Variants in CFAP54 observed in about 807,000 individuals in gnomAD.
The protein encoded by CFAP54 is cilia and flagella associated protein 54.
A neutral mutation model predicts 370.4 loss-of-function variants in CFAP54; 290 were observed. That is an observed-to-expected ratio of 0.78 (90% CI 0.71 to 0.86). The LOEUF is 0.86. Ranked by LOEUF, CFAP54 falls within the 40% of genes least tolerant of loss-of-function variation. The pLI is 0.00. For synonymous variants in CFAP54, 1,206 were observed against 1,236.5 expected (o/e 0.98, Z 0.52); for missense variants, 3,399 against 3,528.7 (o/e 0.96, Z 0.93).
Position 96,554,321 on chromosome 12 carries a change from AAG to A in CFAP54, c.2283+14_2283+15del. On this transcript the variant is annotated intron_variant, in intron 16 of 67. Coordinates refer to ENST00000524981, the MANE Select transcript of CFAP54 (RefSeq NM_001306084.2). ...CACTGCTATGCCAAGGTAAGAATGGAAGAGTCTTAAATTAGATTGAAGTTTTA... is the reference window on the plus strand; with the variant it reads ...CACTGCTATGCCAAGGTAAGAATGGAAGTCTTAAATTAGATTGAAGTTTTA... The A allele has an allele frequency of 1.3e-6, 2 of 1,503,150 alleles. No individual in the cohort carries two copies. The highest frequency in any genetic ancestry group is 1.8e-6 in the Non-Finnish European group (2 of 1,135,328). The allele number at this position is 1,503,150 out of a possible 1,614,324, so 93.1% of individuals were successfully genotyped here.
intron 14 of CFAP54, among the ~76,000 whole-genome samples, chr12:96,541,687 T>C (rs1013807127): frequency 1.3e-5 from 2 of 152,186 alleles, no homozygotes; most frequent in African/African-American, 4.8e-5. Flanking sequence ...GACATATTCT[T>C]GGCACCCACC....
chr12:96,573,076 A>AGGGACAGT, intron 19 of CFAP54: 1 of 975,794 alleles, frequency 1.0e-6, no homozygotes, highest in Non-Finnish European at 1.2e-6. Context: ...CTTGACTATA[A>AGGGACAGT]GGGCCAGTGG....
chr12:96,847,263 C>T (rs988965724), intron 66 of CFAP54, among the ~76,000 whole-genome samples: 2 of 152,006 alleles, frequency 1.3e-5, no homozygotes, highest in Non-Finnish European at 2.9e-5. Context: ...CCAGCACTCT[C>T]CTGGTGAGCT....
intron 51 of CFAP54, among the ~76,000 whole-genome samples, chr12:96,741,781 G>A (rs971821020): frequency 6.6e-6 from 1 of 152,122 alleles, no homozygotes; most frequent in Non-Finnish European, 1.5e-5. Flanking sequence ...ATTGAGGGTG[G>A]CAAATTAATT....
At chr12:96,832,250 G>T in intron 66 of CFAP54, among the ~76,000 whole-genome samples, 1 of 134,128 alleles carries the variant, frequency 7.5e-6, no homozygotes. Context: ...AACTATAAGT[G>T]CTTTAAAGCT....
intron 24 of CFAP54, among the ~76,000 whole-genome samples, chr12:96,593,146 A>G (rs1013284973): frequency 6.6e-6 from 1 of 152,156 alleles, no homozygotes; most frequent in Admixed American, 6.5e-5. Context: ...TATTGTCTTC[A>G]TGGAGGCAGG....
At chr12:96,813,141 A>G (rs983950304) in intron 64 of CFAP54, among the ~76,000 whole-genome samples, 1 of 152,200 alleles carries the variant, frequency 6.6e-6, no homozygotes, top group African/African-American at 2.4e-5. Flanking sequence ...TATAAAGTAG[A>G]AAGTCATCAA....
intron 5 of CFAP54, among the ~76,000 whole-genome samples, chr12:96,515,358 A>G (rs1254953025): frequency 7.1e-6 from 1 of 140,828 alleles, no homozygotes; most frequent in Non-Finnish European, 1.5e-5. Flanking sequence ...TGGGGATGGG[A>G]GGTGAGGGAT....
intron 9 of CFAP54, among the ~76,000 whole-genome samples, chr12:96,532,588 T>G (rs1421229300): frequency 6.6e-6 from 1 of 152,164 alleles, no homozygotes; most frequent in Non-Finnish European, 1.5e-5. Flanking sequence ...TCTTTAAGCC[T>G]AATCCCTCCA....
At position 96,704,759 on chromosome 12, in the gene CFAP54, A is replaced by G; in HGVS notation, c.6491A>G (p.Asp2164Gly). 1 of 1,227,288 alleles carries G rather than the reference A, an allele frequency of 8.1e-7. No homozygotes were observed. Among genetic ancestry groups the G allele is most frequent in the Admixed American group, 2.3e-5 (1 of 43,354 alleles). 76.0% of individuals were successfully genotyped at this position (1,227,288 alleles called of 1,614,324 possible). Reference sequence around the variant, plus strand: ...TTTTGACAGATCTTTCAATCATTTGACTCAGGAAAACTTCTTACCAGTAAA... The same window carrying G: ...TTTTGACAGATCTTTCAATCATTTGGCTCAGGAAAACTTCTTACCAGTAAA... ...TGKMKIFQSFDSGKLLTSKEN... is the reference protein window; with the variant it reads ...TGKMKIFQSFGSGKLLTSKEN... Residue 2164 changes from aspartate (D) to glycine (G), a missense_variant, in exon 47 of 68, where the codon GAC becomes GGC. Transcript: ENST00000524981.
Position 96,708,792 on chromosome 12 carries a change from C to A in CFAP54, c.6713C>A (p.Pro2238Gln). ...VITNKSKPNL[P>Q]NLEEIYSKDD... is the part of the protein sequence containing the mutation. ...ACCAACAAGAGCAAACCAAACCTACCAAACTTGGAAGGTAATTGTTTTATT... is the reference window on the plus strand; with the variant it reads ...ACCAACAAGAGCAAACCAAACCTACAAAACTTGGAAGGTAATTGTTTTATT... The change falls in exon 48 of 68, where the codon CCA (proline) becomes CAA (glutamine). Residue 2238 changes from proline (P) to glutamine (Q), a missense_variant. Physicochemically the swap from Pro to Gln is moderately conservative, Grantham distance 76. This residue lies in a region of CFAP54 where 2,796 missense variants were observed against 2,869.7 expected (regional missense o/e 0.97). Coordinates refer to ENST00000524981, the MANE Select transcript of CFAP54 (RefSeq NM_001306084.2). The A allele has an allele frequency of 6.3e-7, 1 of 1,593,844 alleles. No homozygotes were observed. The highest frequency in any genetic ancestry group is 2.2e-5 in the East Asian group (1 of 44,540).
intron 59 of CFAP54, among the ~76,000 whole-genome samples, chr12:96,764,857 A>T (rs1263574940): frequency 6.6e-6 from 1 of 152,204 alleles, no homozygotes; most frequent in Non-Finnish European, 1.5e-5. Flanking sequence ...AAAGTGATTT[A>T]TGCATTAATT....
rs146789602 is a variant in CFAP54, at chr12:96,600,649, C to T, written c.3639+1882C>T. 4.6e-4 allele frequency among the ~76,000 whole-genome samples: 70 copies of T among 152,150 alleles called. 4 individuals are homozygous for T. In the East Asian group the frequency reaches 0.013, roughly 29 times the overall value. On this transcript the variant is annotated intron_variant, in intron 26 of 67. Coordinates refer to ENST00000524981, the MANE Select transcript of CFAP54 (RefSeq NM_001306084.2). ...GAATGTTCTTCCATTTGTTTGTGTC[C>T]TCTGTTATTTCGTTGAGCAGTGGTT...
chr12:96,778,341 A>G (rs1958544432), intron 60 of CFAP54, among the ~76,000 whole-genome samples: 1 of 152,196 alleles, frequency 6.6e-6, no homozygotes, highest in Admixed American at 6.5e-5. Context: ...TTTGAGTTTG[A>G]AAGGCTGCAA....
intron 35 of CFAP54, 28 bp from the exon 36 acceptor site, chr12:96,651,560 G>T: frequency 6.3e-7 from 1 of 1,580,462 alleles, no homozygotes; most frequent in South Asian, 1.1e-5. Context: ...GGAACTTTGG[G>T]ATCTTTTAAA....
chr12:96,789,158 A>C (rs1273147385), intron 62 of CFAP54, among the ~76,000 whole-genome samples: 1 of 152,162 alleles, frequency 6.6e-6, no homozygotes, highest in Non-Finnish European at 1.5e-5. Flanking sequence ...AGGCTCCTTA[A>C]AATCTGTTGC....
intron 67 of CFAP54, among the ~76,000 whole-genome samples, chr12:96,861,627 C>T (rs540562954): frequency 7.1e-4 from 108 of 152,260 alleles, no homozygotes; most frequent in Non-Finnish European, 1.1e-3. Context: ...AGTAACTTTG[C>T]CATTTGCTAG....
Position 96,739,955 on chromosome 12 carries a change from G to A in CFAP54, c.6966-1G>A, listed in dbSNP as rs767381673. On this transcript the variant is annotated splice_acceptor_variant, in intron 50 of 67. Transcript: ENST00000524981. LOFTEE classifies it high-confidence loss of function. ...CATTTAAAATATATTTTCTATTTTA[G>A]TGCTGCAATAGTATTTTCTACACTT... The A allele has an allele frequency of 9.5e-6, 14 of 1,468,542 alleles. No individual in the cohort carries two copies. Among genetic ancestry groups the A allele is most frequent in the Non-Finnish European group, 1.3e-5 (14 of 1,059,710 alleles). 91.0% of individuals were successfully genotyped at this position (1,468,542 alleles called of 1,614,324 possible).
At chr12:96,613,711 C>G (rs968283871) in intron 26 of CFAP54, among the ~76,000 whole-genome samples, 1 of 152,118 alleles carries the variant, frequency 6.6e-6, no homozygotes, top group Non-Finnish European at 1.5e-5. Context: ...CACAGAGATA[C>G]AAACTATCAG....
Sources: allele counts gnomAD v4.1 joint callset (sites outside exome capture counted in the v4.1 genomes callset), GRCh38; gene constraint gnomAD v4.1.1; regional missense constraint gnomAD v4.1.1; transcripts MANE v1.5; gene names NCBI Gene and HGNC (gene_info 2026-07-23, HGNC 2026-07-21).